The following COXFA4 variants were observed in gnomAD, a reference collection of about 807,000 sequenced individuals.
The protein encoded by COXFA4 is cytochrome c oxidase subunit FA4.
the COXFA4 span, chr7:10,938,580 G>A: frequency 8.4e-6 from 4 of 478,850 alleles, no homozygotes; most frequent in Non-Finnish European, 1.5e-5. Context: ...TACAAGATTT[G>A]GTATTAGCAG....
At chr7:10,938,154 G>T in the COXFA4 span, 2 of 1,610,474 alleles carry the variant, frequency 1.2e-6, no homozygotes, top group Non-Finnish European at 1.7e-6. Flanking sequence ...CCAACTAAAA[G>T]AAATAAAACA....
chr7:10,936,121 C>T, the COXFA4 span, among the ~76,000 whole-genome samples: 1 of 152,192 alleles, frequency 6.6e-6, no homozygotes, highest in Non-Finnish European at 1.5e-5. Flanking sequence ...ATAATCTAGT[C>T]TACCTGAATG....
At chr7:10,936,350 T>C in the COXFA4 span, among the ~76,000 whole-genome samples, 1 of 152,242 alleles carries the variant, frequency 6.6e-6, no homozygotes. Context: ...TTCAGAACAT[T>C]AGTAGACTGG....
chr7:10,934,615 C>G, the COXFA4 span, among the ~76,000 whole-genome samples: 1 of 152,112 alleles, frequency 6.6e-6, no homozygotes, highest in Non-Finnish European at 1.5e-5. Flanking sequence ...TAAACATTTT[C>G]TTCAGGGTTT....
At chr7:10,939,746 C>T in the COXFA4 span, 1 of 521,466 alleles carries the variant, frequency 1.9e-6, no homozygotes, top group African/African-American at 1.9e-5. Context: ...GGCCACCAGA[C>T]TGTTCCAATA....
the COXFA4 span, chr7:10,938,747 A>T: frequency 8.5e-7 from 1 of 1,182,846 alleles, no homozygotes; most frequent in South Asian, 1.2e-5. Flanking sequence ...CCCTACAGAG[A>T]CTGTGGCTCC....
the COXFA4 span, chr7:10,939,971 CA>C: frequency 1.9e-6 from 3 of 1,611,268 alleles, no homozygotes; most frequent in Non-Finnish European, 2.5e-6. Flanking sequence ...CACCCCGACG[CA>C]AGAAGGACAA....
chr7:10,933,419 TTC>T, the COXFA4 span: 2 of 542,968 alleles, frequency 3.7e-6, no homozygotes. Flanking sequence ...TACTCTAAAG[TTC>T]AGAGCATACT....
the COXFA4 span, chr7:10,932,976 AAG>A: frequency 0.022 from 3,349 of 151,568 alleles, 56 homozygotes; most frequent in Non-Finnish European, 0.032. Context: ...AAAAAAAAAA[AAG>A]AAAAAAGAAA....
chr7:10,939,969 C>T, the COXFA4 span: 1 of 1,609,758 alleles, frequency 6.2e-7, no homozygotes, highest in Admixed American at 1.7e-5. Flanking sequence ...CGCACCCCGA[C>T]GCAAGAAGGA....
the COXFA4 span, chr7:10,939,869 C>G: frequency 2.2e-6 from 2 of 921,182 alleles, no homozygotes; most frequent in Non-Finnish European, 3.6e-6. Flanking sequence ...CCTGGGACAA[C>G]TAAGATGACA....
chr7:10,937,206 G>A, the COXFA4 span, among the ~76,000 whole-genome samples: 8 of 152,170 alleles, frequency 5.3e-5, no homozygotes, highest in East Asian at 1.9e-4. Context: ...AAAGTGCATT[G>A]AGTGAGTTAT....
chr7:10,933,400 A>G, the COXFA4 span: 3 of 474,294 alleles, frequency 6.3e-6, no homozygotes, highest in African/African-American at 5.9e-5. Flanking sequence ...TCTAATAGTT[A>G]ATTTCCTATA....
At chr7:10,938,130 G>A in the COXFA4 span, 1 of 1,612,958 alleles carries the variant, frequency 6.2e-7, no homozygotes, top group African/African-American at 1.3e-5. Context: ...CCAGGGCTCT[G>A]GGTTATTTCT....
chr7:10,938,976 C>G, the COXFA4 span: 1 of 1,073,802 alleles, frequency 9.3e-7, no homozygotes. Flanking sequence ...AGTTTCTGCA[C>G]ATTGATTTCC....
At chr7:10,934,504 G>C in the COXFA4 span, among the ~76,000 whole-genome samples, 1 of 151,838 alleles carries the variant, frequency 6.6e-6, no homozygotes, top group African/African-American at 2.4e-5. Flanking sequence ...CTAAAATCTT[G>C]GGTTTACTCA....
At chr7:10,932,315 T>C in the COXFA4 span, 5 of 152,206 alleles carry the variant, frequency 3.3e-5, no homozygotes, top group Admixed American at 1.3e-4. Context: ...ACCTGACACA[T>C]AGGAGGTAAA....
the COXFA4 span, among the ~76,000 whole-genome samples, chr7:10,936,958 C>T: frequency 6.6e-6 from 1 of 152,052 alleles, no homozygotes; most frequent in African/African-American, 2.4e-5. Context: ...ATCACTTGAG[C>T]CTGGGAAGTG....
At chr7:10,933,408 ATACTC>A in the COXFA4 span, 1 of 505,140 alleles carries the variant, frequency 2.0e-6, no homozygotes, top group Non-Finnish European at 3.5e-6. Flanking sequence ...TTAATTTCCT[ATACTC>A]TAAAGTTCAG....
Sources: gnomAD v4.1 joint callset for allele counts (sites outside exome capture counted in the v4.1 genomes callset) on GRCh38, gnomAD v4.1.1 for gene constraint, MANE v1.5 for transcripts, NCBI Gene and HGNC (gene_info 2026-07-23, HGNC 2026-07-21) for gene names.